The following HERC2 variants were observed in gnomAD, a reference collection of about 807,000 sequenced individuals.
The protein encoded by HERC2 is HECT and RLD domain containing E3 ubiquitin protein ligase 2.
Under a neutral mutation model 537.7 loss-of-function variants are expected in HERC2, and 102 were observed. That is an observed-to-expected ratio of 0.19 (90% CI 0.16 to 0.22). The LOEUF is 0.22. HERC2 is among the 10% of genes least tolerant of loss of function. HERC2 has a pLI of 1.00. For synonymous variants in HERC2, 2,224 were observed against 2,466.2 expected (o/e 0.90, Z 2.91); for missense variants, 4,236 against 6,198.2 (o/e 0.68, Z 10.63).
chr15:28,122,068 G>A lies in HERC2; in HGVS notation c.13189-639C>T, dbSNP rs1177169522. 6.6e-6 allele frequency among the ~76,000 whole-genome samples: 1 copy of A among 152,052 alleles called. No homozygotes were observed. Among genetic ancestry groups the A allele is most frequent in the Admixed American group, 6.6e-5 (1 of 15,264 alleles). On this transcript the variant is annotated intron_variant, in intron 85 of 92. Transcript: ENST00000261609. The surrounding 1 kb of genome is among the most constrained non-coding windows in gnomAD (Gnocchi z 4.1). ...CAGCCACGGGGCCAGGGAGCACCGT[G>A]CAGCCAGCCAGACCTTGGATCGGGA...
intron 2 of HERC2, among the ~76,000 whole-genome samples, chr15:28,314,261 C>T (rs924949428): frequency 1.3e-5 from 2 of 151,872 alleles, no homozygotes; most frequent in African/African-American, 4.8e-5. Flanking sequence ...AAGAGTAGAT[C>T]CTGAAAACAG....
chr15:28,168,656 G>A (rs182682801), intron 66 of HERC2, 66 bp from the exon 67 acceptor site: 254 of 1,490,996 alleles, frequency 1.7e-4, no homozygotes, highest in Admixed American at 3.7e-4. Flanking sequence ...AGGAAGTGGA[G>A]AGGCAGGGCT....
intron 24 of HERC2, 130 bp from the exon 25 acceptor site, chr15:28,238,347 T>G: frequency 2.4e-6 from 2 of 822,268 alleles, no homozygotes; most frequent in Non-Finnish European, 4.2e-6. Flanking sequence ...ATAATGACCT[T>G]CTACTGTCTC....
chr15:28,196,531 G>C lies in HERC2; in HGVS notation c.8050C>G (p.Pro2684Ala). 1 of 1,613,412 alleles carries C rather than the reference G, an allele frequency of 6.2e-7. No homozygotes were observed. The highest frequency in any genetic ancestry group is 8.5e-7 in the Non-Finnish European group (1 of 1,179,386). Residue 2684 changes from proline (P) to alanine (A), a missense_variant, in exon 51 of 93, where the codon CCC (proline) becomes GCC (alanine). Around this residue, in one of 27 missense-constraint regions of HERC2, gnomAD observed 606 missense variants for 884.5 expected, o/e 0.69. Transcript: ENST00000261609. ...ANGKDIIVDF[P>A]QQSHWTGLLS... ...AACCCAGTCCAGTGAGACTGCTGGG[G>C]AAAGTCGACAATGATATCTTTTCCA...
chr15:28,317,521 T>C (rs1031288045), intron 2 of HERC2, among the ~76,000 whole-genome samples: 2 of 152,216 alleles, frequency 1.3e-5, no homozygotes, highest in Non-Finnish European at 2.9e-5. Context: ...TCAACAAACC[T>C]TGACGGACCT....
At chr15:28,256,584 C>T (rs1050923145) in intron 17 of HERC2, among the ~76,000 whole-genome samples, 3 of 152,154 alleles carry the variant, frequency 2.0e-5, no homozygotes, top group African/African-American at 7.2e-5. Flanking sequence ...CAGCAACCTC[C>T]ACCCCGCGCC....
At chr15:28,237,515 G>T (rs918500399) in intron 25 of HERC2, among the ~76,000 whole-genome samples, 4 of 152,188 alleles carry the variant, frequency 2.6e-5, no homozygotes, top group Non-Finnish European at 4.4e-5. Context: ...AGTGGACTGT[G>T]ACCACACATG....
chr15:28,319,584 CAAAAAAAAAAAA>C (rs1168038967), intron 2 of HERC2, among the ~76,000 whole-genome samples: 1 of 58,270 alleles, frequency 1.7e-5, no homozygotes, highest in East Asian at 3.6e-4. Context: ...GACTGCGTCT[CAAAAAAAAAAAA>C]AAAAAAAAAA....
chr15:28,169,688 T>TA, intron 65 of HERC2, 33 bp from the exon 66 acceptor site: 1 of 1,585,646 alleles, frequency 6.3e-7, no homozygotes, highest in Non-Finnish European at 8.6e-7. Context: ...GCATTGTTTT[T>TA]AAAATCACAG....
intron 69 of HERC2, among the ~76,000 whole-genome samples, chr15:28,161,121 G>A (rs1021466947): frequency 9.2e-5 from 14 of 152,268 alleles, no homozygotes; most frequent in Middle Eastern, 3.4e-3. Flanking sequence ...ACTCTGCTGC[G>A]CTTTCAAGAC....
At chr15:28,132,292 GCACAA>G in intron 80 of HERC2, 31 bp from the exon 81 acceptor site, 1 of 1,578,584 alleles carries the variant, frequency 6.3e-7, no homozygotes, top group Admixed American at 1.8e-5. Context: ...GGTTGGCCAA[GCACAA>G]CACAAGAAGG....
chr15:28,179,450 C>G (rs915946316), intron 57 of HERC2, among the ~76,000 whole-genome samples: 8 of 152,194 alleles, frequency 5.3e-5, no homozygotes, highest in African/African-American at 1.9e-4. Flanking sequence ...ACAGCACAAC[C>G]TATTCCTCAT....
chr15:28,187,748 C>A (rs921220129), intron 55 of HERC2, among the ~76,000 whole-genome samples: 1 of 152,186 alleles, frequency 6.6e-6, no homozygotes. Flanking sequence ...TATGTCATGT[C>A]ATTTTATTGT....
intron 4 of HERC2, among the ~76,000 whole-genome samples, chr15:28,290,679 T>G (rs1378816462): frequency 6.6e-6 from 1 of 152,142 alleles, no homozygotes; most frequent in Non-Finnish European, 1.5e-5. Flanking sequence ...CCCCAAATAC[T>G]TGGAAATGAA....
rs1289620454 is a variant in HERC2 at position 28,265,903 on chromosome 15, G to A, written c.1670C>T (p.Ala557Val). The change falls in exon 13 of 93, where the codon GCT becomes GTT. Residue 557 changes from alanine to valine, a missense_variant. Coordinates refer to ENST00000261609, the MANE Select transcript of HERC2 (RefSeq NM_004667.6). This position sits in a 1 kb window ranked among gnomAD's most constrained non-coding sequence, Gnocchi z 4.0. ...GGCCGCACTGTAAGTGCTCCCGCAA[G>A]CGATGTGCACCACGTGCTTCCCGGC... ...KQAGKHVVHI[A>V]CGSTYSAAIT... 2 of 1,614,070 alleles carry A rather than the reference G, an allele frequency of 1.2e-6. No homozygotes were observed. Among genetic ancestry groups the A allele is most frequent in the African/African-American group, 2.7e-5 (2 of 74,932 alleles).
intron 37 of HERC2, among the ~76,000 whole-genome samples, chr15:28,218,991 T>C (rs1474232276): frequency 5.3e-5 from 8 of 152,224 alleles, no homozygotes; most frequent in African/African-American, 1.9e-4. Flanking sequence ...GGGAAACAGA[T>C]CTTTACAAGA....
chr15:28,127,224 T>G (rs1432774543), intron 83 of HERC2, among the ~76,000 whole-genome samples: 2 of 152,136 alleles, frequency 1.3e-5, no homozygotes, highest in African/African-American at 4.8e-5. Flanking sequence ...GTGAGGAGGG[T>G]GTCTCTGCAG....
intron 70 of HERC2, among the ~76,000 whole-genome samples, chr15:28,147,877 A>G (rs922803435): frequency 3.3e-5 from 5 of 152,046 alleles, no homozygotes; most frequent in Non-Finnish European, 5.9e-5. Flanking sequence ...TCCACAAAAA[A>G]TAAAAATAAG....
chr15:28,137,938 C>T (rs1890815191), intron 78 of HERC2, among the ~76,000 whole-genome samples: 1 of 152,188 alleles, frequency 6.6e-6, no homozygotes, highest in East Asian at 1.9e-4. Context: ...TTCTTGTAAA[C>T]ACACAAATGA....
Sources: gnomAD v4.1 joint callset for allele counts (sites outside exome capture counted in the v4.1 genomes callset) on GRCh38, gnomAD v4.1.1 for gene constraint, gnomAD v4.1.1 regional missense constraint, Gnocchi (gnomAD v3.1) non-coding constraint, MANE v1.5 for transcripts, NCBI Gene and HGNC (gene_info 2026-07-23, HGNC 2026-07-21) for gene names.